The following STARD13 variants were observed in gnomAD, a reference collection of about 807,000 sequenced individuals.
STARD13 encodes the protein stAR-related lipid transfer protein 13.
In STARD13, 62 loss-of-function variants were observed where a neutral mutation model predicts 106.4. That is an observed-to-expected ratio of 0.58 (90% confidence interval 0.48 to 0.72). The LOEUF (loss-of-function observed/expected upper bound fraction) is 0.72. Ranked by LOEUF, STARD13 falls within the 30% of genes least tolerant of loss-of-function variation. The probability of loss-of-function intolerance (pLI) is 0.00; values close to 1 mark genes in which losing one functional copy is unlikely to be tolerated. For synonymous variants in STARD13, 565 were observed against 553.0 expected, an observed-to-expected ratio of 1.02 and a Z score of -0.31; for missense variants, 1,387 against 1,424.0, an observed-to-expected ratio of 0.97 and a Z score of 0.42.
At chr13:33,144,099 C>T (rs1880212483) in intron 3 of STARD13, among the ~76,000 whole-genome samples, 1 of 152,168 alleles carries the variant, frequency 6.6e-6, no homozygotes, top group African/African-American at 2.4e-5. Flanking sequence ...TCCCTTTTTA[C>T]TCTCCATGGC....
At chr13:33,497,808 TAG>T in the STARD13 span, among the ~76,000 whole-genome samples, 9 of 152,178 alleles carry the variant, frequency 5.9e-5, no homozygotes, top group Non-Finnish European at 1.3e-4. Context: ...AAGGTGGAAT[TAG>T]ACGTGTGAGA....
intron 3 of STARD13, among the ~76,000 whole-genome samples, chr13:33,150,344 T>C (rs570446000): frequency 6.6e-6 from 1 of 152,340 alleles, no homozygotes; most frequent in Non-Finnish European, 1.5e-5. Context: ...ATTCAGATAA[T>C]GTTTGCTAAG....
rs1869414736 is a variant in STARD13 at position 33,273,694 on chromosome 13, T to C, written c.169+11776A>G. Among the ~76,000 whole-genome samples the C allele has an allele frequency of 2.0e-5, 3 of 152,378 alleles. No homozygotes were observed. The South Asian group carries it at 6.2e-4, about 32-fold the overall frequency. On this transcript the variant is annotated intron_variant, in intron 1 of 13. Coordinates refer to ENST00000336934, the MANE Select transcript of STARD13 (RefSeq NM_178006.4). Reference sequence around the variant, plus strand: ...AAATGGGCAATTAAAGTTTCTTAAATAATTCATTTGAATTAGTACGAGAGC... The same window carrying C: ...AAATGGGCAATTAAAGTTTCTTAAACAATTCATTTGAATTAGTACGAGAGC...
At chr13:33,400,885 T>TA in the STARD13 span, among the ~76,000 whole-genome samples, 26 of 151,876 alleles carry the variant, frequency 1.7e-4, no homozygotes, top group East Asian at 5.1e-3. Flanking sequence ...AATTGGTTTT[T>TA]AAAAAAAGAT....
chr13:33,583,114 A>C, the STARD13 span, among the ~76,000 whole-genome samples: 1 of 152,318 alleles, frequency 6.6e-6, no homozygotes, highest in African/African-American at 2.4e-5. Flanking sequence ...AAATTGTTGC[A>C]GTTGCTGTGA....
In STARD13 at chr13:33,261,298, A is replaced by G. The variant is rs191031971; in HGVS notation, c.169+24172T>C. 2.6e-4 allele frequency among the ~76,000 whole-genome samples: 40 copies of G among 152,324 alleles called. No homozygotes were observed. In the East Asian group the frequency reaches 6.8e-3, roughly 26 times the overall value. ...GATGCCTCTTAGCATCCCACAATGC[A>G]TAGGACAGTCCCCACAAAAAACAAT... On this transcript the variant is annotated intron_variant, in intron 1 of 13. Transcript: ENST00000336934.
At chr13:33,501,415 T>C in the STARD13 span, among the ~76,000 whole-genome samples, 1 of 152,170 alleles carries the variant, frequency 6.6e-6, no homozygotes, top group Non-Finnish European at 1.5e-5. Context: ...TATTTTGGCT[T>C]TTATTGCCTT....
intron 1 of STARD13, among the ~76,000 whole-genome samples, chr13:33,212,704 G>A (rs1052598643): frequency 6.6e-6 from 1 of 152,108 alleles, no homozygotes; most frequent in Admixed American, 6.5e-5. Context: ...CAGGTAATGT[G>A]GAGAACCAAA....
the STARD13 span, among the ~76,000 whole-genome samples, chr13:33,490,073 A>C: frequency 6.6e-6 from 1 of 152,212 alleles, no homozygotes; most frequent in African/African-American, 2.4e-5. Flanking sequence ...AAGTTTAAAT[A>C]ACCACTAACA....
intron 4 of STARD13, chr13:33,138,974 T>A: frequency 2.7e-6 from 1 of 365,884 alleles, no homozygotes; most frequent in Admixed American, 3.4e-5. Flanking sequence ...TAACCAGGCA[T>A]GAAAAAGCCT....
chr13:33,553,877 T>G, the STARD13 span, among the ~76,000 whole-genome samples: 1 of 152,066 alleles, frequency 6.6e-6, no homozygotes, highest in African/African-American at 2.4e-5. Flanking sequence ...CGTGCCTGGC[T>G]GCAAGCATTA....
At chr13:33,570,152 G>A in the STARD13 span, among the ~76,000 whole-genome samples, 54 of 148,040 alleles carry the variant, frequency 3.6e-4, 2 homozygotes, top group South Asian at 4.3e-4. Flanking sequence ...AATGAATATC[G>A]TTTCTCATCT....
the STARD13 span, among the ~76,000 whole-genome samples, chr13:33,587,817 A>G: frequency 6.6e-6 from 1 of 152,234 alleles, no homozygotes; most frequent in African/African-American, 2.4e-5. Context: ...ATGTGCTTTC[A>G]GTGTAAATGA....
the STARD13 span, among the ~76,000 whole-genome samples, chr13:33,465,632 C>T: frequency 6.6e-6 from 1 of 152,222 alleles, no homozygotes; most frequent in Non-Finnish European, 1.5e-5. Flanking sequence ...GATCTTTCCT[C>T]TGTGATCCGA....
the STARD13 span, among the ~76,000 whole-genome samples, chr13:33,566,189 G>A: frequency 6.7e-6 from 1 of 148,194 alleles, no homozygotes; most frequent in South Asian, 2.2e-4. Context: ...TTGGAGAGAG[G>A]CCACATTCAC....
intron 1 of STARD13, among the ~76,000 whole-genome samples, chr13:33,265,701 T>C (rs906480187): frequency 6.6e-6 from 1 of 152,140 alleles, no homozygotes; most frequent in Non-Finnish European, 1.5e-5. Flanking sequence ...TTTCAATACA[T>C]TTTTAGTCAT....
chr13:33,112,705 G>A lies in STARD13; in HGVS notation c.2492+16C>T. The A allele has an allele frequency of 6.5e-7, 1 of 1,544,560 alleles. No homozygotes were observed. Among genetic ancestry groups the A allele is most frequent in the Non-Finnish European group, 8.8e-7 (1 of 1,142,568 alleles). ...CTGCTTTGGGATTACTGTTGTTACT[G>A]AGAAAAAAAACCCACCGTGGAGAGC... is the stretch of plus-strand genomic sequence containing the variant. On this transcript the variant is annotated intron_variant, in intron 9 of 13. Transcript: ENST00000336934.
At chr13:33,446,087 A>T in the STARD13 span, among the ~76,000 whole-genome samples, 1 of 134,404 alleles carries the variant, frequency 7.4e-6, no homozygotes, top group Non-Finnish European at 1.5e-5. Flanking sequence ...GTAATTGCAG[A>T]GTCATTTTGA....
At chr13:33,365,525 C>CA in the STARD13 span, among the ~76,000 whole-genome samples, 4 of 152,152 alleles carry the variant, frequency 2.6e-5, no homozygotes, top group Non-Finnish European at 4.4e-5. Flanking sequence ...AGGCGGGTAG[C>CA]AAGACTTGAG....
Sources: allele counts gnomAD v4.1 joint callset (sites outside exome capture counted in the v4.1 genomes callset), GRCh38; gene constraint gnomAD v4.1.1; transcripts MANE v1.5; gene names NCBI Gene and HGNC (gene_info 2026-07-23, HGNC 2026-07-21).